The following DGKB variants were observed in gnomAD, a reference collection of about 807,000 sequenced individuals.
The protein encoded by DGKB is diacylglycerol kinase beta.
A neutral mutation model predicts 114.3 loss-of-function variants in DGKB; 67 were observed. That is an observed-to-expected ratio of 0.59 (90% CI 0.48 to 0.72). The LOEUF is 0.72. DGKB is among the 30% of genes least tolerant of loss of function. The pLI is 0.00. For missense variants in DGKB, 907 were observed against 975.2 expected, an observed-to-expected ratio of 0.93 and a Z score of 0.93; for synonymous variants, 398 against 323.1, an observed-to-expected ratio of 1.23 and a Z score of -2.49.
At chr7:14,888,462 G>A (rs926430901) in intron 1 of DGKB, among the ~76,000 whole-genome samples, 4 of 151,658 alleles carry the variant, frequency 2.6e-5, no homozygotes, top group Admixed American at 6.6e-5. Flanking sequence ...ATAAGGAGCC[G>A]TACATCGGAA....
At chr7:14,244,584 C>T (rs1002617374) in intron 23 of DGKB, among the ~76,000 whole-genome samples, 3 of 147,232 alleles carry the variant, frequency 2.0e-5, no homozygotes, top group Non-Finnish European at 4.5e-5. Context: ...GCAGGGGAAT[C>T]GCTTGAATCT....
At chr7:14,401,039 C>T (rs557565903) in intron 21 of DGKB, among the ~76,000 whole-genome samples, 1 of 151,948 alleles carries the variant, frequency 6.6e-6, no homozygotes, top group Non-Finnish European at 1.5e-5. Flanking sequence ...ATAGTAGCAG[C>T]AGCCAACACC....
chr7:14,430,082 T>C (rs920116600), intron 21 of DGKB, among the ~76,000 whole-genome samples: 1 of 152,200 alleles, frequency 6.6e-6, no homozygotes, highest in Admixed American at 6.5e-5. Context: ...ACAGGAAATA[T>C]GTTTGACTTG....
chr7:14,827,993 C>G (rs757615517), intron 2 of DGKB, among the ~76,000 whole-genome samples: 1 of 151,980 alleles, frequency 6.6e-6, no homozygotes, highest in African/African-American at 2.4e-5. Context: ...TCTGGAGAAA[C>G]TTGGGGAAGG....
intron 23 of DGKB, among the ~76,000 whole-genome samples, chr7:14,275,771 C>T (rs1236358366): frequency 6.6e-6 from 1 of 152,118 alleles, no homozygotes; most frequent in African/African-American, 2.4e-5. Context: ...TAGAAGAATT[C>T]CAAGTTTGGA....
intron 21 of DGKB, among the ~76,000 whole-genome samples, chr7:14,389,919 T>C (rs1821062562): frequency 6.6e-6 from 1 of 152,180 alleles, no homozygotes; most frequent in Admixed American, 6.5e-5. Context: ...ACTACATCCA[T>C]CAGCAGCCCT....
chr7:14,817,797 T>C (rs1844371126), intron 2 of DGKB, among the ~76,000 whole-genome samples: 1 of 152,164 alleles, frequency 6.6e-6, no homozygotes, highest in Admixed American at 6.6e-5. Flanking sequence ...GCCACAGATA[T>C]TGACAATAAT....
intron 21 of DGKB, among the ~76,000 whole-genome samples, chr7:14,403,601 A>T (rs543775596): frequency 1.3e-5 from 2 of 151,958 alleles, no homozygotes; most frequent in African/African-American, 4.8e-5. Context: ...ATCAACTCCA[A>T]TGCAACTCCT....
intron 23 of DGKB, among the ~76,000 whole-genome samples, chr7:14,228,531 C>T (rs1040619944): frequency 6.6e-6 from 1 of 151,952 alleles, no homozygotes; most frequent in African/African-American, 2.4e-5. Context: ...ATAGTACACA[C>T]ACACTCGCAC....
At chr7:14,864,709 C>G (rs1261689961) in intron 1 of DGKB, among the ~76,000 whole-genome samples, 1 of 150,746 alleles carries the variant, frequency 6.6e-6, no homozygotes, top group East Asian at 1.9e-4. Context: ...TACTTAAAGA[C>G]AGAGAAATGT....
intron 21 of DGKB, among the ~76,000 whole-genome samples, chr7:14,409,978 T>A (rs1824599677): frequency 6.6e-6 from 1 of 152,084 alleles, no homozygotes. Flanking sequence ...TCAGTAAGGC[T>A]TCTACTTAAC....
chr7:14,464,961 C>G (rs1833610259), intron 21 of DGKB, among the ~76,000 whole-genome samples: 1 of 152,130 alleles, frequency 6.6e-6, no homozygotes, highest in Non-Finnish European at 1.5e-5. Flanking sequence ...TTAAGGGTGG[C>G]TAGGTCACTA....
chr7:14,162,212 G>A (rs1433537450), intron 25 of DGKB, among the ~76,000 whole-genome samples: 2 of 152,164 alleles, frequency 1.3e-5, no homozygotes, highest in Non-Finnish European at 2.9e-5. Context: ...CAGACCTTGT[G>A]AGTCTATAGT....
intron 1 of DGKB, among the ~76,000 whole-genome samples, chr7:14,922,601 T>C (rs1027245462): frequency 1.3e-5 from 2 of 152,196 alleles, no homozygotes; most frequent in African/African-American, 4.8e-5. Flanking sequence ...CAGAAGCATA[T>C]ATACTTGCTT....
intron 1 of DGKB, among the ~76,000 whole-genome samples, chr7:14,899,486 T>C (rs1782639848): frequency 6.6e-6 from 1 of 152,154 alleles, no homozygotes; most frequent in South Asian, 2.1e-4. Context: ...TTATTTAGTG[T>C]CCCTCAGGAC....
At chr7:14,245,918 T>A (rs1794407360) in intron 23 of DGKB, among the ~76,000 whole-genome samples, 1 of 152,050 alleles carries the variant, frequency 6.6e-6, no homozygotes, top group Non-Finnish European at 1.5e-5. Flanking sequence ...AAAAGTGAGA[T>A]CCTGTCTCAA....
At chr7:14,713,940 A>G (rs1489160173) in intron 6 of DGKB, among the ~76,000 whole-genome samples, 1 of 152,150 alleles carries the variant, frequency 6.6e-6, no homozygotes, top group Admixed American at 6.6e-5. Context: ...AGTCAAAAAT[A>G]TAAAGTTAGT....
At chr7:14,340,813 T>C (rs938621815) in intron 22 of DGKB, among the ~76,000 whole-genome samples, 2 of 151,832 alleles carry the variant, frequency 1.3e-5, no homozygotes, top group African/African-American at 2.4e-5. Context: ...TGAAATAAGC[T>C]GGAGTCAGGG....
chr7:14,581,511 G>A (rs911335644), intron 18 of DGKB, among the ~76,000 whole-genome samples: 3 of 152,156 alleles, frequency 2.0e-5, no homozygotes, highest in Non-Finnish European at 4.4e-5. Context: ...GGAATACAAC[G>A]AGATCAGCAG....
Sources: gnomAD v4.1 joint callset for allele counts (sites outside exome capture counted in the v4.1 genomes callset) on GRCh38, gnomAD v4.1.1 for gene constraint, MANE v1.5 for transcripts, NCBI Gene and HGNC (gene_info 2026-07-23, HGNC 2026-07-21) for gene names.